Variants in ENOX1 observed in about 807,000 individuals in gnomAD.
ENOX1 encodes candidate growth-related and time keeping constitutive hydroquinone (NADH) oxidase.
Under a neutral mutation model 82.5 loss-of-function variants are expected in ENOX1, and 42 were observed. That is an observed-to-expected ratio of 0.51 (90% CI 0.40 to 0.66). ENOX1 has a LOEUF of 0.66. ENOX1 is among the 30% of genes least tolerant of loss of function. ENOX1 has a pLI of 0.00. For synonymous variants in ENOX1, 271 were observed against 282.2 expected (o/e 0.96, Z 0.40); for missense variants, 608 against 811.6 (o/e 0.75, Z 3.05).
At chr13:43,462,083 T>C (rs1159799744) in intron 3 of ENOX1, among the ~76,000 whole-genome samples, 1 of 152,144 alleles carries the variant, frequency 6.6e-6, no homozygotes, top group East Asian at 1.9e-4. Flanking sequence ...AGGTGCTGCA[T>C]AGATCACTGC....
At chr13:43,733,989 AAAG>A (rs768306114) in intron 1 of ENOX1, among the ~76,000 whole-genome samples, 3 of 152,160 alleles carry the variant, frequency 2.0e-5, no homozygotes, top group African/African-American at 7.2e-5. Context: ...AAAAGAAAAG[AAAG>A]AAGAAGAGAT....
At chr13:43,471,079 T>C (rs1431841551) in intron 3 of ENOX1, among the ~76,000 whole-genome samples, 1 of 152,216 alleles carries the variant, frequency 6.6e-6, no homozygotes, top group East Asian at 1.9e-4. Context: ...TAGAAGCTCA[T>C]TCATACTAGT....
At chr13:43,338,317 A>C (rs776792748) in intron 9 of ENOX1, among the ~76,000 whole-genome samples, 7 of 152,190 alleles carry the variant, frequency 4.6e-5, no homozygotes, top group Non-Finnish European at 1.0e-4. Context: ...TCTGTGAAGT[A>C]TGCATTTTTA....
At chr13:43,604,669 T>A (rs1253184358) in intron 2 of ENOX1, among the ~76,000 whole-genome samples, 1 of 152,178 alleles carries the variant, frequency 6.6e-6, no homozygotes, top group Non-Finnish European at 1.5e-5. Flanking sequence ...TGGGGATAAA[T>A]CCCACTTGGT....
At chr13:43,561,005 T>A (rs932510935) in intron 2 of ENOX1, among the ~76,000 whole-genome samples, 1 of 152,182 alleles carries the variant, frequency 6.6e-6, no homozygotes, top group Non-Finnish European at 1.5e-5. Flanking sequence ...TTCTGTTCTC[T>A]TTTATTTGTT....
At chr13:43,487,929 C>T (rs879900578) in intron 2 of ENOX1, among the ~76,000 whole-genome samples, 14 of 152,070 alleles carry the variant, frequency 9.2e-5, no homozygotes, top group East Asian at 1.9e-4. Context: ...CCCGCATATT[C>T]GGGACTTTAA....
intron 2 of ENOX1, among the ~76,000 whole-genome samples, chr13:43,666,604 C>T (rs1244686035): frequency 1.3e-5 from 2 of 152,170 alleles, no homozygotes; most frequent in Non-Finnish European, 2.9e-5. Flanking sequence ...AAGGAAGCAA[C>T]CCTGCTGACA....
In ENOX1 at chr13:43,751,241, T is replaced by C. The variant is rs143124698; in HGVS notation, c.-285+35411A>G. On this transcript the variant is annotated intron_variant, in intron 1 of 16. Transcript: ENST00000690772. ...CAGCTCAGCTAAGGTCAGCCACCCT[T>C]GTAAAGCCTTTACCAACTTTCCTTT... 9.5e-3 allele frequency among the ~76,000 whole-genome samples: 1,445 copies of C among 152,348 alleles called. 11 individuals are homozygous for C. Among genetic ancestry groups the C allele is most frequent in the Non-Finnish European group, 0.016 (1,119 of 68,016 alleles).
At chr13:43,717,183 C>T (rs543775983) in intron 1 of ENOX1, among the ~76,000 whole-genome samples, 4 of 152,000 alleles carry the variant, frequency 2.6e-5, no homozygotes, top group African/African-American at 7.3e-5. Flanking sequence ...GGTACTGGTA[C>T]AAAAAAAGAT....
chr13:43,326,964 T>G (rs2048149303), intron 9 of ENOX1, among the ~76,000 whole-genome samples: 1 of 152,218 alleles, frequency 6.6e-6, no homozygotes, highest in African/African-American at 2.4e-5. Context: ...ATTTTCTCTT[T>G]TGGTCTTTAT....
Position 43,648,655 on chromosome 13 carries a change from T to G in ENOX1, c.-219+18824A>C, listed in dbSNP as rs961267218. 1.3e-3 allele frequency among the ~76,000 whole-genome samples: 191 copies of G among 152,312 alleles called. 3 individuals are homozygous for G. Among genetic ancestry groups the G allele is most frequent in the African/African-American group, 4.3e-3 (180 of 41,568 alleles). On this transcript the variant is annotated intron_variant, in intron 2 of 16. Coordinates refer to ENST00000690772, the MANE Select transcript of ENOX1 (RefSeq NM_001347969.2). ...GGTGAAATACCTGTTTTTGAGAAAT[T>G]GATATGACTTCTCACTCCAAGGAAA...
chr13:43,308,275 C>CCT (rs2046984543), intron 11 of ENOX1, among the ~76,000 whole-genome samples: 1 of 152,084 alleles, frequency 6.6e-6, no homozygotes, highest in African/African-American at 2.4e-5. Context: ...AAACTACCTC[C>CCT]CTCTCACTTC....
intron 1 of ENOX1, among the ~76,000 whole-genome samples, chr13:43,680,594 C>T (rs1054249981): frequency 5.9e-5 from 9 of 152,106 alleles, no homozygotes; most frequent in Non-Finnish European, 1.3e-4. Flanking sequence ...TGTAAAACTT[C>T]GGCAAGTTAT....
chr13:43,307,314 A>G (rs2046924385), intron 11 of ENOX1, among the ~76,000 whole-genome samples: 2 of 152,198 alleles, frequency 1.3e-5, no homozygotes, highest in Admixed American at 1.3e-4. Flanking sequence ...ATCTTGAGGT[A>G]TCTGTACCAC....
At chr13:43,431,211 A>G (rs1484150156) in intron 3 of ENOX1, among the ~76,000 whole-genome samples, 15 of 152,206 alleles carry the variant, frequency 9.9e-5, no homozygotes, top group Admixed American at 9.8e-4. Flanking sequence ...AAAGTCCTTC[A>G]GTTTCTGGCT....
chr13:43,636,518 C>T (rs1241312047), intron 2 of ENOX1, among the ~76,000 whole-genome samples: 1 of 152,152 alleles, frequency 6.6e-6, no homozygotes, highest in East Asian at 1.9e-4. Context: ...CTGTGGCCCA[C>T]GAACTTTTGT....
At chr13:43,407,206 G>A (rs950872931) in intron 5 of ENOX1, among the ~76,000 whole-genome samples, 10 of 152,172 alleles carry the variant, frequency 6.6e-5, no homozygotes, top group Non-Finnish European at 8.8e-5. Flanking sequence ...AAGGGACAAC[G>A]TGTGCCACAG....
At chr13:43,530,529 A>T (rs1359979467) in intron 2 of ENOX1, among the ~76,000 whole-genome samples, 2 of 152,152 alleles carry the variant, frequency 1.3e-5, no homozygotes. Flanking sequence ...GATATTATGC[A>T]ACCCCAGGAT....
intron 2 of ENOX1, among the ~76,000 whole-genome samples, chr13:43,647,505 TC>T (rs1232179876): frequency 6.6e-6 from 1 of 152,144 alleles, no homozygotes; most frequent in Non-Finnish European, 1.5e-5. Flanking sequence ...CACTCTGCCA[TC>T]AGGAACCAAA....
Sources: gnomAD v4.1 joint callset for allele counts (sites outside exome capture counted in the v4.1 genomes callset) on GRCh38, gnomAD v4.1.1 for gene constraint, MANE v1.5 for transcripts, NCBI Gene and HGNC (gene_info 2026-07-23, HGNC 2026-07-21) for gene names.